Variants in PBX1 observed in about 807,000 individuals in gnomAD.
PBX1 encodes the protein pre-B-cell leukemia transcription factor 1.
A neutral mutation model predicts 53.4 loss-of-function variants in PBX1; 6 were observed. The observed-to-expected ratio is 0.11, with a 90% CI of 0.06 to 0.22. The LOEUF (loss-of-function observed/expected upper bound fraction) is 0.22. Ranked by LOEUF, PBX1 falls within the 10% of genes least tolerant of loss-of-function variation. The pLI, the probability that PBX1 is intolerant of heterozygous loss-of-function variation, is 1.00. For synonymous variants in PBX1, 204 were observed against 212.3 expected, an observed-to-expected ratio of 0.96 and a Z score of 0.34; for missense variants, 251 against 551.4, an observed-to-expected ratio of 0.46 and a Z score of 5.46.
At chr1:164,771,617 GA>G (rs1436643574) in intron 2 of PBX1, 4 of 151,898 alleles carry the variant, frequency 2.6e-5, no homozygotes, top group Non-Finnish European at 1.5e-5. Flanking sequence ...AATTGCGCTG[GA>G]AGCTGAACTG....
At chr1:164,729,343 T>C (rs1167642539) in intron 2 of PBX1, among the ~76,000 whole-genome samples, 1 of 152,216 alleles carries the variant, frequency 6.6e-6, no homozygotes, top group East Asian at 1.9e-4. Context: ...TACCTTCTGC[T>C]ATTTATCCTT....
intron 2 of PBX1, chr1:164,684,345 A>G (rs1031039841): frequency 2.6e-5 from 4 of 152,232 alleles, no homozygotes; most frequent in Non-Finnish European, 4.4e-5. Flanking sequence ...TAGAAATAAA[A>G]GAAGTCTTTA....
intron 2 of PBX1, among the ~76,000 whole-genome samples, chr1:164,618,251 G>A (rs1314343976): frequency 2.7e-5 from 4 of 147,574 alleles, no homozygotes; most frequent in South Asian, 2.3e-4. Context: ...TTAAAAGTTC[G>A]GAGAGGAGAT....
chr1:164,733,096 G>T (rs997733378), intron 2 of PBX1, among the ~76,000 whole-genome samples: 5 of 152,088 alleles, frequency 3.3e-5, no homozygotes, highest in African/African-American at 1.2e-4. Context: ...GTAATCCTCG[G>T]TATTTTTATT....
intron 2 of PBX1, among the ~76,000 whole-genome samples, chr1:164,595,216 C>T (rs1655671666): frequency 6.6e-6 from 1 of 152,224 alleles, no homozygotes; most frequent in South Asian, 2.1e-4. Flanking sequence ...AAGTTCCCTT[C>T]AGTGGAATGA....
intron 2 of PBX1, among the ~76,000 whole-genome samples, chr1:164,599,179 C>A (rs1291657256): frequency 6.8e-6 from 1 of 148,116 alleles, no homozygotes; most frequent in Non-Finnish European, 1.5e-5. Flanking sequence ...TAACACTACT[C>A]TAACTTTGCT....
At chr1:164,719,550 T>G (rs986299617) in intron 2 of PBX1, among the ~76,000 whole-genome samples, 8 of 152,164 alleles carry the variant, frequency 5.3e-5, no homozygotes, top group Non-Finnish European at 1.0e-4. Flanking sequence ...TTGTGCATGC[T>G]CTGAATCAGA....
chr1:164,647,704 C>G (rs1659539842), intron 2 of PBX1, among the ~76,000 whole-genome samples: 1 of 152,058 alleles, frequency 6.6e-6, no homozygotes, highest in Admixed American at 6.6e-5. Context: ...TTAAAATCAC[C>G]TGGGGAACTT....
chr1:164,822,492 G>C (rs2102368993), intron 8 of PBX1, among the ~76,000 whole-genome samples: 1 of 152,196 alleles, frequency 6.6e-6, no homozygotes, highest in Non-Finnish European at 1.5e-5. Flanking sequence ...AAGTGAATGA[G>C]GGATCGAAGG....
chr1:164,691,266 G>A (rs1324449351), intron 2 of PBX1, among the ~76,000 whole-genome samples: 1 of 151,870 alleles, frequency 6.6e-6, no homozygotes, highest in Non-Finnish European at 1.5e-5. Flanking sequence ...CTCCCACCTT[G>A]GCCTCCCAAA....
chr1:164,794,820 A>G (rs893027474), intron 3 of PBX1, among the ~76,000 whole-genome samples: 4 of 152,192 alleles, frequency 2.6e-5, no homozygotes, highest in Non-Finnish European at 5.9e-5. Context: ...TTTGTCCTCC[A>G]GGTTAACTCG....
intron 2 of PBX1, among the ~76,000 whole-genome samples, chr1:164,696,435 AGGGTGT>A (rs1377427888): frequency 6.6e-6 from 1 of 152,148 alleles, no homozygotes; most frequent in African/African-American, 2.4e-5. Context: ...ATATGGCTGG[AGGGTGT>A]GGTCACAGAT....
chr1:164,686,117 G>A (rs921304158), intron 2 of PBX1, among the ~76,000 whole-genome samples: 1 of 152,176 alleles, frequency 6.6e-6, no homozygotes, highest in Non-Finnish European at 1.5e-5. Context: ...TACCTACAGG[G>A]CGGGGAACTT....
chr1:164,745,485 C>T (rs1463475152), intron 2 of PBX1, among the ~76,000 whole-genome samples: 1 of 152,092 alleles, frequency 6.6e-6, no homozygotes, highest in Non-Finnish European at 1.5e-5. Flanking sequence ...CTCAGAGAAC[C>T]ACAAATGATG....
At chr1:164,870,710 T>G (rs1344383147) in intron 2 of PBX1, among the ~76,000 whole-genome samples, 1 of 152,204 alleles carries the variant, frequency 6.6e-6, no homozygotes, top group Non-Finnish European at 1.5e-5. Flanking sequence ...AACATTTCTC[T>G]AGCTCTACCA....
chr1:164,595,927 G>A (rs1174302626), intron 2 of PBX1, among the ~76,000 whole-genome samples: 1 of 152,168 alleles, frequency 6.6e-6, no homozygotes, highest in Non-Finnish European at 1.5e-5. Context: ...TAGGGCTTTG[G>A]TGGAGTTCAA....
intron 2 of PBX1, among the ~76,000 whole-genome samples, chr1:164,859,724 A>G (rs1247684893): frequency 6.6e-6 from 1 of 152,208 alleles, no homozygotes; most frequent in Non-Finnish European, 1.5e-5. Flanking sequence ...GCAAGCATGT[A>G]CTGGCCACCT....
chr1:164,618,730 A>C (rs1333324458), intron 2 of PBX1, among the ~76,000 whole-genome samples: 1 of 152,186 alleles, frequency 6.6e-6, no homozygotes, highest in Non-Finnish European at 1.5e-5. Context: ...GGTCTTTTAC[A>C]TCTCTAATAT....
In PBX1 at chr1:164,559,926, G is replaced by A. The variant is rs1461673861; in HGVS notation, c.104G>A (p.Gly35Glu). 1.3e-6 allele frequency: 2 copies of A among 1,548,768 alleles called. No individual in the cohort carries two copies. Among genetic ancestry groups the A allele is most frequent in the South Asian group, 1.2e-5 (1 of 83,748 alleles). Residue 35 changes from glycine (G) to glutamate (E), a missense_variant, in exon 1 of 9, where the codon GGG becomes GAG. By Grantham distance (98) the Gly-to-Glu change is moderately conservative. This residue lies in a region of PBX1 where 63 missense variants were observed against 78.7 expected (regional missense o/e 0.80). Coordinates refer to ENST00000420696, the MANE Select transcript of PBX1 (RefSeq NM_002585.4). ...HLQDGAGGTE[G>E]EGGRKQDIGD... ...CAGGATGGGGCCGGAGGGACCGAGG[G>A]GGAGGGCGGGAGGAAGCAGGACATT... is the stretch of plus-strand genomic sequence containing the variant.
Sources: allele counts gnomAD v4.1 joint callset (sites outside exome capture counted in the v4.1 genomes callset), GRCh38; gene constraint gnomAD v4.1.1; regional missense constraint gnomAD v4.1.1; transcripts MANE v1.5; gene names NCBI Gene and HGNC (gene_info 2026-07-23, HGNC 2026-07-21).